The following JARID2 variants were observed in gnomAD, a reference collection of about 807,000 sequenced individuals.
The protein encoded by JARID2 is protein Jumonji.
A neutral mutation model predicts 125.6 loss-of-function variants in JARID2; 21 were observed. The observed-to-expected ratio is 0.17, with a 90% CI of 0.12 to 0.24. The LOEUF (loss-of-function observed/expected upper bound fraction) is 0.24, where lower values mean the gene tolerates loss of function less well. Among genes scored for constraint, JARID2 ranks in the 10% least tolerant of loss-of-function variants. The pLI is 1.00. For synonymous variants in JARID2, 736 were observed against 661.6 expected, an observed-to-expected ratio of 1.11 and a Z score of -1.73; for missense variants, 1,303 against 1,639.6, an observed-to-expected ratio of 0.79 and a Z score of 3.55.
rs139720510 is a variant in JARID2, at chr6:15,520,632, A to G, written c.*381A>G. 5.8e-4 allele frequency: 164 copies of G among 281,412 alleles called. No homozygotes were observed. The highest frequency in any genetic ancestry group is 3.6e-3 in the African/African-American group (157 of 44,114). The allele number at this position is 281,412 out of a possible 1,614,324, so 17.4% of individuals were successfully genotyped here. On this transcript the variant is annotated 3_prime_UTR_variant, in exon 18 of 18. Transcript: ENST00000341776. ...GAAGAGGGTGAAGTTTGGAGAACAA[A>G]TTTAAAAACCATCAGTCATGTGAGC... is the stretch of plus-strand genomic sequence containing the variant.
chr6:15,377,102 G>T (rs1764384365), intron 2 of JARID2, among the ~76,000 whole-genome samples: 1 of 152,148 alleles, frequency 6.6e-6, no homozygotes, highest in South Asian at 2.1e-4. Context: ...CTTCCTAAAT[G>T]TCAAATGAAA....
chr6:15,513,054 C>G lies in JARID2; in HGVS notation c.3266+9C>G. On this transcript the variant is annotated intron_variant, in intron 15 of 17. Coordinates refer to ENST00000341776, the MANE Select transcript of JARID2 (RefSeq NM_004973.4). Reference sequence around the variant, plus strand: ...CTCCTGGATGAGCTCAGGTAACAGACCCCCAGAGCCCACGCCAGAGAGCTG... The same window carrying G: ...CTCCTGGATGAGCTCAGGTAACAGAGCCCCAGAGCCCACGCCAGAGAGCTG... 1 of 1,614,022 alleles carries G rather than the reference C, an allele frequency of 6.2e-7. No homozygotes were observed. The highest frequency in any genetic ancestry group is 8.5e-7 in the Non-Finnish European group (1 of 1,179,992).
chr6:15,454,772 A>AC (rs1768079988), intron 4 of JARID2, among the ~76,000 whole-genome samples: 1 of 152,050 alleles, frequency 6.6e-6, no homozygotes, highest in Admixed American at 6.6e-5. Context: ...GCATGAGCCA[A>AC]CATGCCTTAG....
intron 1 of JARID2, among the ~76,000 whole-genome samples, chr6:15,322,198 G>C (rs563001040): frequency 2.0e-5 from 3 of 152,312 alleles, no homozygotes; most frequent in Admixed American, 6.5e-5. Flanking sequence ...ATCCAAACAG[G>C]CATGTAGAAT....
intron 1 of JARID2, among the ~76,000 whole-genome samples, chr6:15,305,392 AG>A: frequency 6.6e-6 from 1 of 152,238 alleles, no homozygotes; most frequent in South Asian, 2.1e-4. Flanking sequence ...CACTTTGGAG[AG>A]GGGAAAAGCC....
chr6:15,294,081 T>G (rs1364506788), intron 1 of JARID2, among the ~76,000 whole-genome samples: 1 of 152,224 alleles, frequency 6.6e-6, no homozygotes, highest in African/African-American at 2.4e-5. Context: ...CAGCTGCCCC[T>G]TATAGTATGG....
At chr6:15,502,083 G>A (rs777593324) in intron 8 of JARID2, among the ~76,000 whole-genome samples, 8 of 152,348 alleles carry the variant, frequency 5.3e-5, no homozygotes, top group East Asian at 1.9e-4. Context: ...CCATTCACAC[G>A]CTGTGGAGGG....
chr6:15,346,032 T>TACA (rs1763233752), intron 1 of JARID2, among the ~76,000 whole-genome samples: 1 of 152,248 alleles, frequency 6.6e-6, no homozygotes, highest in South Asian at 2.1e-4. Context: ...TTAGAAATAA[T>TACA]GAATTATTAT....
At chr6:15,330,360 C>T (rs776692646) in intron 1 of JARID2, among the ~76,000 whole-genome samples, 25 of 152,196 alleles carry the variant, frequency 1.6e-4, no homozygotes, top group African/African-American at 3.9e-4. Context: ...CCACATCCTG[C>T]GCCAGCATTG....
chr6:15,295,830 A>T (rs1241131329), intron 1 of JARID2, among the ~76,000 whole-genome samples: 1 of 152,002 alleles, frequency 6.6e-6, no homozygotes, highest in Non-Finnish European at 1.5e-5. Context: ...TGCACAGCTA[A>T]GTTTTGTATT....
chr6:15,461,941 T>C (rs547501389), intron 4 of JARID2, among the ~76,000 whole-genome samples: 5 of 152,130 alleles, frequency 3.3e-5, no homozygotes, highest in Admixed American at 1.3e-4. Context: ...ATGAGCATGA[T>C]TGGATAGGCA....
chr6:15,508,526 G>GGTAA, intron 12 of JARID2, 72 bp downstream of exon 12: 1 of 842,898 alleles, frequency 1.2e-6, no homozygotes. Context: ...GGGGCCTGTG[G>GGTAA]GTAACTTCTT....
chr6:15,379,018 G>C (rs1336722751), intron 2 of JARID2, among the ~76,000 whole-genome samples: 1 of 152,304 alleles, frequency 6.6e-6, no homozygotes, highest in Non-Finnish European at 1.5e-5. Flanking sequence ...TTGTATCTGA[G>C]CAGTGAGCTC....
At chr6:15,332,638 TA>T (rs963273263) in intron 1 of JARID2, among the ~76,000 whole-genome samples, 1 of 152,166 alleles carries the variant, frequency 6.6e-6, no homozygotes, top group African/African-American at 2.4e-5. Flanking sequence ...GCTACTTGTG[TA>T]AGTCCAGCTG....
intron 1 of JARID2, among the ~76,000 whole-genome samples, chr6:15,353,495 T>C (rs1476013883): frequency 1.3e-5 from 2 of 152,240 alleles, no homozygotes; most frequent in Non-Finnish European, 2.9e-5. Context: ...AATATCATTA[T>C]CGAGGAAGGT....
chr6:15,414,731 C>G (rs996110413), intron 3 of JARID2, among the ~76,000 whole-genome samples: 1 of 150,456 alleles, frequency 6.6e-6, no homozygotes, highest in African/African-American at 2.4e-5. Context: ...TGTTGTTTTT[C>G]TTTTTCTTTT....
intron 3 of JARID2, among the ~76,000 whole-genome samples, chr6:15,431,523 C>G (rs1438266216): frequency 6.6e-6 from 1 of 152,188 alleles, no homozygotes; most frequent in Non-Finnish European, 1.5e-5. Flanking sequence ...TTCTGTGTTG[C>G]TGTTACCACT....
In JARID2 at chr6:15,451,156, G is replaced by C. The variant is rs559411746; in HGVS notation, c.324-850G>C. ...ACTCCATCTCAAACAAACAAACAAA[G>C]AAACAAACAAAACACTGTTCCAAGA... On this transcript the variant is annotated intron_variant, in intron 3 of 17. Transcript: ENST00000341776. 9.2e-5 allele frequency among the ~76,000 whole-genome samples: 14 copies of C among 152,240 alleles called. No homozygotes were observed. The South Asian group carries it at 2.1e-3, about 23-fold the overall frequency.
chr6:15,308,924 G>A (rs1386549357), intron 1 of JARID2, among the ~76,000 whole-genome samples: 2 of 152,136 alleles, frequency 1.3e-5, no homozygotes, highest in Non-Finnish European at 2.9e-5. Flanking sequence ...AGTGCAGTGG[G>A]GAAGTCCCCT....
Sources: allele counts gnomAD v4.1 joint callset (sites outside exome capture counted in the v4.1 genomes callset), GRCh38; gene constraint gnomAD v4.1.1; transcripts MANE v1.5; gene names NCBI Gene and HGNC (gene_info 2026-07-23, HGNC 2026-07-21).